CUX1: variants seen among roughly 807,000 people sequenced by gnomAD.
CUX1 encodes the protein protein CASP.
Under a neutral mutation model 158.8 loss-of-function variants are expected in CUX1, and 31 were observed. The observed-to-expected ratio is 0.20, with a 90% CI of 0.15 to 0.26. The LOEUF (loss-of-function observed/expected upper bound fraction) is 0.26. Among genes scored for constraint, CUX1 ranks in the 10% least tolerant of loss-of-function variants. The pLI, the probability that CUX1 is intolerant of heterozygous loss-of-function variation, is 1.00. For missense variants in CUX1, 1,589 were observed against 2,014.6 expected (o/e 0.79, Z 4.04); for synonymous variants, 879 against 862.1 (o/e 1.02, Z -0.34).
chr7:102,173,815 C>G (rs1791995585), intron 10 of CUX1, among the ~76,000 whole-genome samples: 1 of 152,110 alleles, frequency 6.6e-6, no homozygotes, highest in Non-Finnish European at 1.5e-5. Context: ...TTACATGGCA[C>G]CGGTTCAGTC....
At chr7:102,244,371 T>C (rs1179507112) in intron 23 of CUX1, among the ~76,000 whole-genome samples, 2 of 152,042 alleles carry the variant, frequency 1.3e-5, no homozygotes, top group African/African-American at 4.8e-5. Context: ...TCCTTTCACT[T>C]TAAGGGAATT....
chr7:101,936,657 G>A (rs753601320), intron 2 of CUX1, among the ~76,000 whole-genome samples: 28 of 152,174 alleles, frequency 1.8e-4, no homozygotes, highest in Admixed American at 3.9e-4. Flanking sequence ...GGCGGCAGCC[G>A]GGCTGTGTTT....
intron 3 of CUX1, among the ~76,000 whole-genome samples, chr7:102,056,965 G>A (rs542327933): frequency 6.0e-5 from 9 of 150,186 alleles, no homozygotes; most frequent in South Asian, 2.1e-4. Flanking sequence ...CTAGTGGTGC[G>A]ATCTCGGCTC....
chr7:102,070,632 C>T (rs1416679590), intron 4 of CUX1, among the ~76,000 whole-genome samples: 2 of 152,294 alleles, frequency 1.3e-5, no homozygotes, highest in East Asian at 3.9e-4. Flanking sequence ...GAAGTACTCA[C>T]GTAATCTCTA....
intron 3 of CUX1, among the ~76,000 whole-genome samples, chr7:102,067,687 A>C (rs1825698403): frequency 6.6e-6 from 1 of 151,734 alleles, no homozygotes. Context: ...AATGAGCATG[A>C]GTTGCTAATA....
intron 4 of CUX1, among the ~76,000 whole-genome samples, chr7:102,090,294 T>C (rs1212486463): frequency 6.6e-6 from 1 of 152,196 alleles, no homozygotes; most frequent in African/African-American, 2.4e-5. Flanking sequence ...GAATTAGGGA[T>C]ATTCAGCTTG....
At chr7:101,903,139 C>A (rs1422604107) in intron 1 of CUX1, among the ~76,000 whole-genome samples, 1 of 152,148 alleles carries the variant, frequency 6.6e-6, no homozygotes, top group Non-Finnish European at 1.5e-5. Context: ...CTGGTTGACC[C>A]CGAGGCCAAG....
At chr7:101,946,090 G>A (rs542940371) in intron 2 of CUX1, among the ~76,000 whole-genome samples, 1 of 152,320 alleles carries the variant, frequency 6.6e-6, no homozygotes, top group Non-Finnish European at 1.5e-5. Flanking sequence ...GTCAGGGACT[G>A]AGGAGGTGAT....
At chr7:101,853,779 T>C (rs1160897741) in intron 1 of CUX1, among the ~76,000 whole-genome samples, 1 of 152,104 alleles carries the variant, frequency 6.6e-6, no homozygotes, top group African/African-American at 2.4e-5. Flanking sequence ...GGTGGTGCAG[T>C]TGGGAACTGT....
intron 17 of CUX1, chr7:102,277,915 T>TA: frequency 3.4e-6 from 4 of 1,171,430 alleles, no homozygotes; most frequent in Non-Finnish European, 2.4e-6. Context: ...CGGAGGCCTC[T>TA]CCCCCACCCC....
intron 8 of CUX1, among the ~76,000 whole-genome samples, chr7:102,139,393 T>C (rs1387537059): frequency 6.6e-6 from 1 of 152,136 alleles, no homozygotes; most frequent in Non-Finnish European, 1.5e-5. Flanking sequence ...ATTGTATTGA[T>C]ACATTGATGA....
chr7:102,261,529 G>T (rs1489382490), downstream of CUX1, among the ~76,000 whole-genome samples: 1 of 149,654 alleles, frequency 6.7e-6, no homozygotes, highest in African/African-American at 2.5e-5. Context: ...AATACGAAGA[G>T]CCCTTTTTTT....
At chr7:101,988,504 C>T (rs1292312210) in intron 2 of CUX1, among the ~76,000 whole-genome samples, 1 of 152,172 alleles carries the variant, frequency 6.6e-6, no homozygotes, top group Non-Finnish European at 1.5e-5. Context: ...CCAGGCTCTC[C>T]TGTGTGTCTC....
Position 101,880,202 on chromosome 7 carries a change from C to A in CUX1, c.31-35913C>A, listed in dbSNP as rs373028780. ...AGGAACATTGAAAAAACAAAAAACT[C>A]CGAGGAACAGGTCATTGGGTTTGGA... On this transcript the variant is annotated intron_variant, in intron 1 of 23. Coordinates refer to ENST00000292535, the MANE Select transcript of CUX1 (RefSeq NM_181552.4). 4.6e-5 allele frequency among the ~76,000 whole-genome samples: 7 copies of A among 152,254 alleles called. No individual in the cohort carries two copies. In the East Asian group the frequency reaches 1.3e-3, roughly 29 times the overall value.
chr7:102,199,864 G>A lies in CUX1; in HGVS notation c.1961-207G>A, dbSNP rs561597969. Among the ~76,000 whole-genome samples, 38 of 152,352 alleles carry A rather than the reference G, an allele frequency of 2.5e-4. No homozygotes were observed. In the Middle Eastern group the frequency reaches 0.017, roughly 68 times the overall value. ...CGGCTTTGGCAGAGTAACATTGACC[G>A]TAAGGTCAAATGAGCAGGAAATCCC... On this transcript the variant is annotated intron_variant, in intron 16 of 23. Coordinates refer to ENST00000292535, the MANE Select transcript of CUX1 (RefSeq NM_181552.4).
chr7:101,908,913 G>T (rs1803077339), intron 1 of CUX1, among the ~76,000 whole-genome samples: 1 of 152,176 alleles, frequency 6.6e-6, no homozygotes, highest in Non-Finnish European at 1.5e-5. Context: ...GTTACAATGG[G>T]GATGCGGCCT....
At chr7:101,871,746 C>T (rs894126415) in intron 1 of CUX1, among the ~76,000 whole-genome samples, 4 of 152,148 alleles carry the variant, frequency 2.6e-5, no homozygotes, top group South Asian at 2.1e-4. Context: ...GGCCGGGTGC[C>T]GTGGCTCTCG....
At chr7:102,033,917 AG>A (rs1409091875) in intron 3 of CUX1, among the ~76,000 whole-genome samples, 4 of 152,192 alleles carry the variant, frequency 2.6e-5, no homozygotes, top group Admixed American at 6.5e-5. Context: ...AGGCTGAGGC[AG>A]GCAGATCACT....
At chr7:102,272,867 A>C (rs1791320003) in intron 14 of CUX1, among the ~76,000 whole-genome samples, 2 of 152,182 alleles carry the variant, frequency 1.3e-5, no homozygotes, top group South Asian at 4.1e-4. Context: ...GTCAGCCCAG[A>C]GGTGGCACCC....
Sources: gnomAD v4.1 joint callset for allele counts (sites outside exome capture counted in the v4.1 genomes callset) on GRCh38, gnomAD v4.1.1 for gene constraint, MANE v1.5 for transcripts, NCBI Gene and HGNC (gene_info 2026-07-23, HGNC 2026-07-21) for gene names.